The following EXOC6B variants were observed in gnomAD, a reference collection of about 807,000 sequenced individuals.
EXOC6B encodes exocyst complex component 6B.
A neutral mutation model predicts 113.5 loss-of-function variants in EXOC6B; 54 were observed. The observed-to-expected ratio is 0.48, with a 90% confidence interval of 0.38 to 0.60. EXOC6B has a LOEUF of 0.60. Among genes scored for constraint, EXOC6B ranks in the 20% least tolerant of loss-of-function variants. The pLI, the probability that EXOC6B is intolerant of heterozygous loss-of-function variation, is 0.00. For synonymous variants in EXOC6B, 357 were observed against 339.0 expected (o/e 1.05, Z -0.58); for missense variants, 797 against 977.5 (o/e 0.82, Z 2.46).
chr2:72,791,696 A>T (rs560854110), intron 1 of EXOC6B, among the ~76,000 whole-genome samples: 1 of 152,260 alleles, frequency 6.6e-6, no homozygotes, highest in Non-Finnish European at 1.5e-5. Flanking sequence ...GAAGTAGTCA[A>T]TACCCAAAGG....
chr2:72,263,818 A>T (rs2104592972), intron 20 of EXOC6B, among the ~76,000 whole-genome samples: 1 of 152,314 alleles, frequency 6.6e-6, no homozygotes, highest in East Asian at 1.9e-4. Context: ...GAATATCCAG[A>T]CAATGCACAG....
At chr2:72,519,307 T>A (rs1408569916) in intron 8 of EXOC6B, among the ~76,000 whole-genome samples, 2 of 152,166 alleles carry the variant, frequency 1.3e-5, no homozygotes, top group Non-Finnish European at 2.9e-5. Flanking sequence ...GCACTTTTTG[T>A]TGATGATTTT....
rs146531395 is a variant in EXOC6B at position 72,743,360 on chromosome 2, T to A, written c.114-1891A>T. ...TTACTGCTGCCTGTAAGGCCCTACA[T>A]AATGTAACCTCACATTACCTCTCTA... On this transcript the variant is annotated intron_variant, in intron 1 of 21. Transcript: ENST00000272427. 4.9e-3 allele frequency among the ~76,000 whole-genome samples: 739 copies of A among 152,310 alleles called. 6 individuals are homozygous for A. The highest frequency in any genetic ancestry group is 7.9e-3 in the Non-Finnish European group (535 of 68,024).
At chr2:72,632,881 C>T (rs1672571225) in intron 6 of EXOC6B, among the ~76,000 whole-genome samples, 1 of 151,992 alleles carries the variant, frequency 6.6e-6, no homozygotes, top group Non-Finnish European at 1.5e-5. Flanking sequence ...TGAGTCTCAA[C>T]TTCAGGCTGG....
chr2:72,289,804 G>C (rs1685673460), intron 20 of EXOC6B, among the ~76,000 whole-genome samples: 1 of 152,138 alleles, frequency 6.6e-6, no homozygotes, highest in South Asian at 2.1e-4. Flanking sequence ...GCTGAGGTGG[G>C]AGGGCCCAGA....
chr2:72,465,276 G>A lies in EXOC6B; in HGVS notation c.1864C>T (p.Leu622=). ...ATCCAGTCATAGTCTGCCAGCTGTA[G>A]GAACTGGTCAATCTTCTGGTTTAAG... ...TNLNQKIDQF[L]QLADYDWMTG... Residue 622 remains leucine (L), a synonymous_variant, in exon 18 of 22, where the codon CTA becomes TTA. Transcript: ENST00000272427. 2 of 1,609,676 alleles carry A rather than the reference G, an allele frequency of 1.2e-6. No individual in the cohort carries two copies. The highest frequency in any genetic ancestry group is 1.7e-6 in the Non-Finnish European group (2 of 1,177,858).
At chr2:72,673,891 T>C (rs1558905919) in intron 6 of EXOC6B, among the ~76,000 whole-genome samples, 1 of 152,034 alleles carries the variant, frequency 6.6e-6, no homozygotes. Context: ...ATTAGTCTTT[T>C]ACCACCATCA....
chr2:72,266,276 A>G (rs1256365563), intron 20 of EXOC6B, among the ~76,000 whole-genome samples: 1 of 150,256 alleles, frequency 6.7e-6, no homozygotes, highest in Non-Finnish European at 1.5e-5. Flanking sequence ...CCATTTGTCA[A>G]TTTTGGCTTT....
chr2:72,772,536 G>A (rs577660468), intron 1 of EXOC6B, among the ~76,000 whole-genome samples: 47 of 152,300 alleles, frequency 3.1e-4, no homozygotes, highest in Middle Eastern at 3.4e-3. Flanking sequence ...CTTCAGGCCT[G>A]CTCCTGCAGA....
intron 20 of EXOC6B, among the ~76,000 whole-genome samples, chr2:72,238,588 T>C (rs138190708): frequency 6.6e-6 from 1 of 152,362 alleles, no homozygotes; most frequent in African/African-American, 2.4e-5. Context: ...TTTTTTATTC[T>C]AGCTATCCTA....
At chr2:72,785,820 C>G (rs1291180088) in intron 1 of EXOC6B, among the ~76,000 whole-genome samples, 2 of 152,242 alleles carry the variant, frequency 1.3e-5, no homozygotes, top group African/African-American at 4.8e-5. Context: ...TGATACTTAT[C>G]CAAATTTCTG....
intron 6 of EXOC6B, among the ~76,000 whole-genome samples, chr2:72,662,052 GGAAA>G (rs1283841098): frequency 7.8e-6 from 1 of 127,858 alleles, no homozygotes; most frequent in Non-Finnish European, 1.6e-5. Context: ...AAAGAAGAAA[GGAAA>G]GAAGGAAGGA....
chr2:72,206,533 G>A (rs946894658), intron 20 of EXOC6B, among the ~76,000 whole-genome samples: 1 of 152,162 alleles, frequency 6.6e-6, no homozygotes, highest in Non-Finnish European at 1.5e-5. Flanking sequence ...TTCTTCCAGT[G>A]TTTGTGCCTC....
intron 15 of EXOC6B, among the ~76,000 whole-genome samples, 157 bp downstream of exon 15, chr2:72,495,273 G>A (rs995796720): frequency 6.6e-5 from 10 of 152,026 alleles, no homozygotes; most frequent in South Asian, 2.1e-4. Flanking sequence ...CTCTTTCATC[G>A]TGACTATAGA....
intron 8 of EXOC6B, among the ~76,000 whole-genome samples, chr2:72,531,988 AAAAAAT>A (rs1422640247): frequency 6.6e-6 from 1 of 152,162 alleles, no homozygotes; most frequent in Non-Finnish European, 1.5e-5. Flanking sequence ...TCCTTCTCAA[AAAAAAT>A]AAAAATAAAA....
At chr2:72,237,708 T>C (rs1282161987) in intron 20 of EXOC6B, among the ~76,000 whole-genome samples, 1 of 152,208 alleles carries the variant, frequency 6.6e-6, no homozygotes, top group African/African-American at 2.4e-5. Flanking sequence ...GACTCTTTGA[T>C]TTCTGCTTTG....
intron 6 of EXOC6B, among the ~76,000 whole-genome samples, chr2:72,651,855 C>T (rs897704355): frequency 3.3e-5 from 5 of 152,012 alleles, no homozygotes; most frequent in African/African-American, 9.7e-5. Context: ...CCTTGTGATC[C>T]GCCCACCTCG....
chr2:72,305,322 G>GTGTATGTGTATA (rs1686771350), intron 20 of EXOC6B, among the ~76,000 whole-genome samples: 2 of 144,616 alleles, frequency 1.4e-5, no homozygotes, highest in East Asian at 2.1e-4. Flanking sequence ...ATATGGGTGT[G>GTGTATGTGTATA]TGTATATGTA....
intron 18 of EXOC6B, among the ~76,000 whole-genome samples, chr2:72,396,674 G>T (rs1204170575): frequency 2.0e-5 from 3 of 152,038 alleles, no homozygotes; most frequent in African/African-American, 7.2e-5. Context: ...TCTATAGTTT[G>T]CTACTCCTAG....
Sources: allele counts gnomAD v4.1 joint callset (sites outside exome capture counted in the v4.1 genomes callset), GRCh38; gene constraint gnomAD v4.1.1; transcripts MANE v1.5; gene names NCBI Gene and HGNC (gene_info 2026-07-23, HGNC 2026-07-21).